The following ZNF592 variants were observed in gnomAD, a reference collection of about 807,000 sequenced individuals.
The protein encoded by ZNF592 is zinc finger protein 592.
Under a neutral mutation model 80.3 loss-of-function variants are expected in ZNF592, and 11 were observed. That is an observed-to-expected ratio of 0.14 (90% confidence interval 0.09 to 0.23). The LOEUF (loss-of-function observed/expected upper bound fraction) is 0.23, where lower values mean the gene tolerates loss of function less well. Ranked by LOEUF, ZNF592 falls within the 10% of genes least tolerant of loss-of-function variation. ZNF592 has a pLI of 1.00. For synonymous variants in ZNF592, 646 were observed against 640.3 expected (o/e 1.01, Z -0.13); for missense variants, 1,420 against 1,633.9 (o/e 0.87, Z 2.26).
chr15:84,802,080 C>G lies in ZNF592; in HGVS notation c.3491C>G (p.Ser1164Cys), dbSNP rs1318610692. ...CTCCTCTGTGGTTTGTGCTACACCT[C>G]TGCCAGCTCCCTCAGCCGCCACCTC... ...QCLLCGLCYT[S>C]ASSLSRHLFI... Residue 1164 changes from serine (S) to cysteine (C), a missense_variant, in exon 11 of 11, where the codon TCT becomes TGT. This residue lies in a region of ZNF592 where 145 missense variants were observed against 211.9 expected (regional missense o/e 0.68). Coordinates refer to ENST00000560079, the MANE Select transcript of ZNF592 (RefSeq NM_014630.3). The G allele has an allele frequency of 6.2e-7, 1 of 1,613,498 alleles. No individual in the cohort carries two copies.
Position 84,761,226 on chromosome 15 carries a change from A to G in ZNF592, c.-258-3481A>G, listed in dbSNP as rs539874492. Among the ~76,000 whole-genome samples the G allele has an allele frequency of 7.9e-5, 12 of 152,136 alleles. No homozygotes were observed. In the East Asian group the frequency reaches 2.3e-3, roughly 30 times the overall value. On this transcript the variant is annotated intron_variant, in intron 1 of 10. Coordinates refer to ENST00000560079, the MANE Select transcript of ZNF592 (RefSeq NM_014630.3). ...GGTGATCCACCCACCTTGGCCTCCC[A>G]AAGTGCTGAGATTACAGGCATGAAC...
At chr15:84,796,488 C>G (rs1286358841) in intron 5 of ZNF592, among the ~76,000 whole-genome samples, 1 of 151,106 alleles carries the variant, frequency 6.6e-6, no homozygotes, top group East Asian at 1.9e-4. Flanking sequence ...TAGGGGAGAC[C>G]TATGTGTGTT....
rs1410213463 is a variant in ZNF592 at position 84,798,387 on chromosome 15, T to A, written c.2649T>A (p.Asn883Lys). ...ACATTCAGCAGCATTTTTACCAGAA[T>A]GTCAGCAAGACGCAGGTGGGCGTCT... The part of the protein sequence containing the change: ...KRHIQQHFYQ[N>K]VSKTQVGVFK... Residue 883 changes from asparagine (N) to lysine (K), a missense_variant, in exon 7 of 11, where the codon AAT becomes AAA. By Grantham distance (94) the Asn-to-Lys change is moderately conservative. Around this residue, in one of 7 missense-constraint regions of ZNF592, gnomAD observed 331 missense variants for 347.0 expected, o/e 0.95. Coordinates refer to ENST00000560079, the MANE Select transcript of ZNF592 (RefSeq NM_014630.3). The surrounding 1 kb of genome is among the most constrained non-coding windows in gnomAD (Gnocchi z 4.5). 3 of 1,614,084 alleles carry A rather than the reference T, an allele frequency of 1.9e-6. No individual in the cohort carries two copies. In the African/African-American group the frequency reaches 4.0e-5, roughly 22 times the overall value.
intron 2 of ZNF592, among the ~76,000 whole-genome samples, chr15:84,776,356 A>G (rs1962252207): frequency 6.6e-6 from 1 of 152,254 alleles, no homozygotes; most frequent in South Asian, 2.1e-4. Flanking sequence ...GTATGCTGAA[A>G]CTTTTTATTT....
At chr15:84,765,544 T>TTC (rs1460678511) in intron 2 of ZNF592, among the ~76,000 whole-genome samples, 1 of 141,288 alleles carries the variant, frequency 7.1e-6, no homozygotes, top group East Asian at 2.0e-4. Context: ...TGTTTTTTTT[T>TTC]TTTTTTTTTT....
Position 84,782,668 on chromosome 15 carries a change from A to G in ZNF592, c.-8A>G, listed in dbSNP as rs759292631. 3.5e-5 allele frequency: 57 copies of G among 1,613,984 alleles called. No individual in the cohort carries two copies. The highest frequency in any genetic ancestry group is 4.2e-5 in the Non-Finnish European group (50 of 1,180,036). On this transcript the variant is annotated 5_prime_UTR_variant, in exon 4 of 11. Coordinates refer to ENST00000560079, the MANE Select transcript of ZNF592 (RefSeq NM_014630.3). The stretch of plus-strand genomic sequence containing the variant: ...TGTTTCTGTTACAGCCCTTGCCAGC[A>G]TCCAGCCATGGGGGATATGAAAACC...
intron 2 of ZNF592, among the ~76,000 whole-genome samples, chr15:84,770,309 A>C (rs1247085469): frequency 6.6e-6 from 1 of 152,208 alleles, no homozygotes; most frequent in Non-Finnish European, 1.5e-5. Context: ...AATAACAATA[A>C]TTTAGTGAAT....
At chr15:84,751,683 T>C (rs1366733773) in intron 1 of ZNF592, among the ~76,000 whole-genome samples, 2 of 151,508 alleles carry the variant, frequency 1.3e-5, no homozygotes, top group African/African-American at 4.9e-5. Flanking sequence ...GGCGGGTGGA[T>C]CACCTAAGGT....
chr15:84,753,859 T>TG (rs777820792), intron 1 of ZNF592, among the ~76,000 whole-genome samples: 3 of 152,236 alleles, frequency 2.0e-5, no homozygotes, highest in Admixed American at 6.5e-5. Flanking sequence ...GAATGTTTGA[T>TG]GTCCTTGAGG....
rs564260546 is a variant in ZNF592 at position 84,783,385 on chromosome 15, T to C, written c.710T>C (p.Phe237Ser). 1 of 1,614,240 alleles carries C rather than the reference T, an allele frequency of 6.2e-7. No individual in the cohort carries two copies. Among genetic ancestry groups the C allele is most frequent in the South Asian group, 1.1e-5 (1 of 91,092 alleles). The change falls in exon 4 of 11, where the codon TTC (phenylalanine) becomes TCC (serine). Residue 237 changes from phenylalanine to serine, a missense_variant. Physicochemically the swap from Phe to Ser is radical, Grantham distance 155 (BLOSUM62 -2). Transcript: ENST00000560079. This position sits in a 1 kb window ranked among gnomAD's most constrained non-coding sequence, Gnocchi z 5.0. ...CACAAGGATCCGGATGCCACTCGAT[T>C]CTTCGGGGAAGCTTTGGAGTTCAAC... ...EPHKDPDATR[F>S]FGEALEFNSH...
rs752555808 is a variant in ZNF592, at chr15:84,783,927, C to T, written c.1252C>T (p.Pro418Ser). Residue 418 changes from proline to serine, a missense_variant, in exon 4 of 11, where the codon CCC (proline) becomes TCC (serine). By Grantham distance (74) the Pro-to-Ser change is moderately conservative (BLOSUM62 -1). Transcript: ENST00000560079. The surrounding 1 kb of genome is among the most constrained non-coding windows in gnomAD (Gnocchi z 5.0). ...SPLGSAIAEA[P>S]SEMPGDEVPV... ...TCTAGGGAGCGCCATTGCAGAGGCC[C>T]CCAGCGAGATGCCAGGGGATGAGGT... is the stretch of plus-strand genomic sequence containing the variant. The T allele has an allele frequency of 6.2e-6, 10 of 1,614,078 alleles. No homozygotes were observed. The highest frequency in any genetic ancestry group is 8.5e-6 in the Non-Finnish European group (10 of 1,179,924).
At chr15:84,792,672 A>G (rs1024044605) in intron 5 of ZNF592, among the ~76,000 whole-genome samples, 4 of 152,136 alleles carry the variant, frequency 2.6e-5, no homozygotes, top group African/African-American at 9.7e-5. Flanking sequence ...GGCTGGTCAC[A>G]TAACTCCTGG....
chr15:84,798,084 G>C lies in ZNF592; in HGVS notation c.2576+39G>C. The C allele has an allele frequency of 6.2e-7, 1 of 1,609,788 alleles. No individual in the cohort carries two copies. ...CAGGGCCAGCAGGCCCTGTGGAGCA[G>C]AGAGGAGTAGCCTGGGTGCTGTAGG... On this transcript the variant is annotated intron_variant, in intron 6 of 10. Coordinates refer to ENST00000560079, the MANE Select transcript of ZNF592 (RefSeq NM_014630.3). The surrounding 1 kb of genome is among the most constrained non-coding windows in gnomAD (Gnocchi z 4.5).
rs773990466 is a variant in ZNF592, at chr15:84,805,972, A to T, written c.*3579A>T. ...TTTTTAATACAAATAGTAGAATTCTATACACAGTGTTCTGAAGCTTGCTTT... is the reference window on the plus strand; with the variant it reads ...TTTTTAATACAAATAGTAGAATTCTTTACACAGTGTTCTGAAGCTTGCTTT... On this transcript the variant is annotated 3_prime_UTR_variant, in exon 11 of 11. Transcript: ENST00000560079. 2 of 152,636 alleles carry T rather than the reference A, an allele frequency of 1.3e-5. No individual in the cohort carries two copies. The highest frequency in any genetic ancestry group is 4.8e-5 in the African/African-American group (2 of 41,448). 9.5% of individuals were successfully genotyped at this position (152,636 alleles called of 1,614,324 possible). A position where few individuals can be genotyped will look rare whatever the true frequency, so the allele number is the denominator to read the frequency against.
intron 1 of ZNF592, among the ~76,000 whole-genome samples, chr15:84,750,495 G>A (rs1898983657): frequency 6.6e-6 from 1 of 152,188 alleles, no homozygotes; most frequent in Non-Finnish European, 1.5e-5. Context: ...AGTGTGAAAT[G>A]CTAAGGAGAA....
At position 84,806,339 on chromosome 15, in the gene ZNF592, T is replaced by C. The variant is rs990018093; in HGVS notation, c.*3946T>C. On this transcript the variant is annotated 3_prime_UTR_variant, in exon 11 of 11. Coordinates refer to ENST00000560079, the MANE Select transcript of ZNF592 (RefSeq NM_014630.3). ...GAGACTAGGACGCAGGTCCCAAGTATGGGATTTTTTTGGGTTCCTACTTAA... is the reference window on the plus strand; with the variant it reads ...GAGACTAGGACGCAGGTCCCAAGTACGGGATTTTTTTGGGTTCCTACTTAA... 1 of 152,240 alleles carries C rather than the reference T, an allele frequency of 6.6e-6. No homozygotes were observed. Among genetic ancestry groups the C allele is most frequent in the Non-Finnish European group, 1.5e-5 (1 of 68,040 alleles). 9.4% of individuals were successfully genotyped at this position (152,240 alleles called of 1,614,324 possible).
chr15:84,783,763 C>A lies in ZNF592; in HGVS notation c.1088C>A (p.Ser363Tyr), dbSNP rs1962495318. Reference sequence around the variant, plus strand: ...GACAGCAGCAGCAAAGGCTCACCGTCTGTGGCTGCCAGCTCCCCACCAGCA... The same window carrying A: ...GACAGCAGCAGCAAAGGCTCACCGTATGTGGCTGCCAGCTCCCCACCAGCA... ...CSDSSSKGSP[S>Y]VAASSPPAIP... Residue 363 changes from serine to tyrosine, a missense_variant, in exon 4 of 11, where the codon TCT becomes TAT. By Grantham distance (144) the Ser-to-Tyr change is moderately radical. Around this residue, in one of 7 missense-constraint regions of ZNF592, gnomAD observed 524 missense variants for 628.3 expected, o/e 0.83. Transcript: ENST00000560079. The surrounding 1 kb of genome is among the most constrained non-coding windows in gnomAD (Gnocchi z 5.0). 6.2e-7 allele frequency: 1 copy of A among 1,614,142 alleles called. No individual in the cohort carries two copies. Among genetic ancestry groups the A allele is most frequent in the South Asian group, 1.1e-5 (1 of 91,092 alleles).
intron 1 of ZNF592, among the ~76,000 whole-genome samples, chr15:84,757,543 A>C (rs931582661): frequency 6.6e-6 from 1 of 151,960 alleles, no homozygotes; most frequent in Admixed American, 6.6e-5. Context: ...TTGTAGAGAC[A>C]GGATCTCGCT....
intron 1 of ZNF592, among the ~76,000 whole-genome samples, chr15:84,754,162 A>G (rs1402855346): frequency 6.6e-6 from 1 of 152,194 alleles, no homozygotes; most frequent in African/African-American, 2.4e-5. Context: ...GTCATTCCTC[A>G]AAGCTGTCAG....
Sources: gnomAD v4.1 joint callset for allele counts (sites outside exome capture counted in the v4.1 genomes callset) on GRCh38, gnomAD v4.1.1 for gene constraint, gnomAD v4.1.1 regional missense constraint, Gnocchi (gnomAD v3.1) non-coding constraint, MANE v1.5 for transcripts, NCBI Gene and HGNC (gene_info 2026-07-23, HGNC 2026-07-21) for gene names.